The following STAP2 variants were observed in gnomAD, a reference collection of about 807,000 sequenced individuals.
STAP2 encodes the protein signal-transducing adaptor protein 2.
Under a neutral mutation model 52.7 loss-of-function variants are expected in STAP2, and 58 were observed. The observed-to-expected ratio is 1.10, with a 90% CI of 0.89 to 1.37. STAP2 has a LOEUF of 1.37. STAP2 is among the 40% of genes most tolerant of loss of function. STAP2 has a pLI of 0.00. For synonymous variants in STAP2, 231 were observed against 210.5 expected, an observed-to-expected ratio of 1.10 and a Z score of -0.84; for missense variants, 522 against 519.4, an observed-to-expected ratio of 1.00 and a Z score of -0.05.
At chr19:4,327,904 T>G (rs1378815988) in intron 6 of STAP2, among the ~76,000 whole-genome samples, 1 of 149,564 alleles carries the variant, frequency 6.7e-6, no homozygotes, top group Non-Finnish European at 1.5e-5. Context: ...TGGCTCCGCC[T>G]CCATAGCCCT....
chr19:4,325,410 T>C lies in STAP2; in HGVS notation c.965A>G (p.Tyr322Cys). The change falls in exon 10 of 13, where the codon TAT (tyrosine) becomes TGT (cysteine). Residue 322 changes from tyrosine (Y) to cysteine (C), a missense_variant. Tyr to Cys is a radical substitution (Grantham distance 194, BLOSUM62 -2). Transcript: ENST00000594605. ...TCCCCACCCACCATCTTGGTTCTCA[T>C]AGTCAACAGCTGGGCCATCTCCAAT... ...TPIGDGPAVD[Y>C]ENQDVASSSW... 1 of 1,614,064 alleles carries C rather than the reference T, an allele frequency of 6.2e-7. No homozygotes were observed. Among genetic ancestry groups the C allele is most frequent in the Non-Finnish European group, 8.5e-7 (1 of 1,180,026 alleles).
At chr19:4,338,427 GGAGA>G (rs768673051) in intron 1 of STAP2, among the ~76,000 whole-genome samples, 1 of 152,198 alleles carries the variant, frequency 6.6e-6, no homozygotes, top group Non-Finnish European at 1.5e-5. Context: ...ACGGGGCCAG[GGAGA>G]GAGAAAGAGA....
chr19:4,329,424 C>A (rs894232013), intron 5 of STAP2, among the ~76,000 whole-genome samples: 4 of 151,982 alleles, frequency 2.6e-5, no homozygotes, highest in Non-Finnish European at 5.9e-5. Flanking sequence ...ATTCTGGCCC[C>A]GGAGATGCAG....
At chr19:4,327,880 T>G (rs537190005) in intron 6 of STAP2, among the ~76,000 whole-genome samples, 1 of 4,260 alleles carries the variant, frequency 2.3e-4, no homozygotes, top group Non-Finnish European at 4.8e-4. Flanking sequence ...AGGCTCTGAC[T>G]TCGCCCCCAG....
intron 4 of STAP2, among the ~76,000 whole-genome samples, chr19:4,330,338 T>C (rs886300824): frequency 2.0e-5 from 3 of 151,450 alleles, no homozygotes; most frequent in African/African-American, 7.3e-5. Context: ...CTGGGCAACA[T>C]GGCGAAACCC....
chr19:4,329,371 C>T (rs1032113390), intron 5 of STAP2, among the ~76,000 whole-genome samples: 16 of 151,958 alleles, frequency 1.1e-4, no homozygotes, highest in African/African-American at 3.6e-4. Flanking sequence ...TCCCAAAACG[C>T]TGAGATGACA....
rs1377763853 is a variant in STAP2 at position 4,337,191 on chromosome 19, G to A, written c.102+1461C>T. Among the ~76,000 whole-genome samples the A allele has an allele frequency of 3.3e-5, 5 of 151,518 alleles. No individual in the cohort carries two copies. The East Asian group carries it at 1.0e-3, about 30-fold the overall frequency. On this transcript the variant is annotated intron_variant, in intron 1 of 12. Transcript: ENST00000594605. ...GGCTGAGACAGGAGGATCACTTAAG[G>A]CCAGGAGTTTGAGACCAGCCTGGGC...
chr19:4,336,150 T>C (rs1463797883), intron 1 of STAP2, among the ~76,000 whole-genome samples: 1 of 151,952 alleles, frequency 6.6e-6, no homozygotes, highest in Non-Finnish European at 1.5e-5. Flanking sequence ...TAGCTGGGAT[T>C]ACAAGTGCGC....
chr19:4,333,866 G>T (rs777268594), intron 2 of STAP2, 50 bp from the exon 3 acceptor site: 1 of 1,613,050 alleles, frequency 6.2e-7, no homozygotes, highest in Admixed American at 1.7e-5. Flanking sequence ...TGGCCTCCAG[G>T]CCCCCTGGAT....
chr19:4,324,763 C>CA, intron 11 of STAP2: 1 of 504,442 alleles, frequency 2.0e-6, no homozygotes, highest in Admixed American at 3.4e-5. Context: ...ACCCGGCAGA[C>CA]AGAGGTTGCA....
intron 5 of STAP2, among the ~76,000 whole-genome samples, chr19:4,329,713 G>A (rs910873444): frequency 2.6e-5 from 4 of 151,770 alleles, no homozygotes; most frequent in Admixed American, 6.6e-5. Context: ...CTACTCCTCA[G>A]GCCTAGGCCC....
intron 6 of STAP2, 62 bp downstream of exon 6, chr19:4,328,613 C>T: frequency 1.3e-6 from 2 of 1,537,736 alleles, no homozygotes; most frequent in Non-Finnish European, 1.8e-6. Flanking sequence ...CTGACCACGC[C>T]CCCGCGCCCA....
At position 4,336,399 on chromosome 19, in the gene STAP2, AC is replaced by A. The variant is rs551978890; in HGVS notation, c.102+2252del. Among the ~76,000 whole-genome samples, 448 of 132,894 alleles carry A rather than the reference AC, an allele frequency of 3.4e-3. 2 individuals are homozygous for A. Among genetic ancestry groups the A allele is most frequent in the African/African-American group, 0.012 (424 of 34,284 alleles). 87.2% of individuals were successfully genotyped at this position (132,894 alleles called of 152,430 possible). Reference sequence around the variant, plus strand: ...GGTGGCACCATCTCAGCTCACTGCAACCCCCCCGCCCCAGTTCAAGCAATTC... The same window carrying A: ...GGTGGCACCATCTCAGCTCACTGCAACCCCCCGCCCCAGTTCAAGCAATTC... On this transcript the variant is annotated intron_variant, in intron 1 of 12. Coordinates refer to ENST00000594605, the MANE Select transcript of STAP2 (RefSeq NM_001013841.2).
At chr19:4,331,585 G>A (rs1282021032) in intron 4 of STAP2, among the ~76,000 whole-genome samples, 1 of 147,796 alleles carries the variant, frequency 6.8e-6, no homozygotes, top group Non-Finnish European at 1.5e-5. Flanking sequence ...AGCTGAGAAC[G>A]TGCCATTGCA....
At chr19:4,329,283 T>C (rs1971848985) in intron 5 of STAP2, among the ~76,000 whole-genome samples, 1 of 151,900 alleles carries the variant, frequency 6.6e-6, no homozygotes, top group Admixed American at 6.6e-5. Context: ...TGGTTTTTTT[T>C]TTCTTTAGAG....
chr19:4,333,820 G>C lies in STAP2; in HGVS notation c.175-4C>G. ...CCAAGTTGAGCTTCTCCACGTGCTG[G>C]GGGCATAGAAGCAGGGGATCTGGGC... On this transcript the variant is annotated splice_polypyrimidine_tract_variant and splice_region_variant and intron_variant, in intron 2 of 12. Transcript: ENST00000594605. The C allele has an allele frequency of 2.5e-6, 4 of 1,613,796 alleles. No homozygotes were observed. The highest frequency in any genetic ancestry group is 3.4e-6 in the Non-Finnish European group (4 of 1,179,940).
At chr19:4,333,594 G>GT in intron 3 of STAP2, 100 bp downstream of exon 3, 1 of 1,483,994 alleles carries the variant, frequency 6.7e-7, no homozygotes, top group Non-Finnish European at 8.9e-7. Context: ...ACAGGGCCCT[G>GT]TACTACCTGC....
At chr19:4,332,796 C>T (rs1436538942) in intron 3 of STAP2, among the ~76,000 whole-genome samples, 1 of 151,982 alleles carries the variant, frequency 6.6e-6, no homozygotes, top group Non-Finnish European at 1.5e-5. Context: ...CTACTGCACT[C>T]CAGCCTGGGC....
Position 4,338,729 on chromosome 19 carries a change from G to A in STAP2, c.25C>T (p.Arg9Cys), listed in dbSNP as rs528255589. ...AGGACACCCTTAGGCTTGGGGACACGGGGTGGCCTCAGGGCAGAGGCCATG... is the reference window on the plus strand; with the variant it reads ...AGGACACCCTTAGGCTTGGGGACACAGGGTGGCCTCAGGGCAGAGGCCATG... The part of the protein sequence containing the change: MASALRPP[R>C]VPKPKGVLPS... Residue 9 changes from arginine to cysteine, a missense_variant, in exon 1 of 13, where the codon CGT (arginine) becomes TGT (cysteine). Physicochemically the swap from Arg to Cys is radical, Grantham distance 180 (BLOSUM62 -3). Transcript: ENST00000594605. The A allele has an allele frequency of 1.1e-5, 17 of 1,613,404 alleles. No homozygotes were observed. The East Asian group carries it at 2.5e-4, about 23-fold the overall frequency.
Sources: gnomAD v4.1 joint callset for allele counts (sites outside exome capture counted in the v4.1 genomes callset) on GRCh38, gnomAD v4.1.1 for gene constraint, MANE v1.5 for transcripts, NCBI Gene and HGNC (gene_info 2026-07-23, HGNC 2026-07-21) for gene names.